GPHN: variants seen among roughly 807,000 people sequenced by gnomAD.
The protein encoded by GPHN is gephyrin.
In GPHN, 17 loss-of-function variants were observed where a neutral mutation model predicts 95.5. The observed-to-expected ratio is 0.18, with a 90% CI of 0.12 to 0.27. GPHN has a LOEUF of 0.27. Ranked by LOEUF, GPHN falls within the 10% of genes least tolerant of loss-of-function variation. The pLI, the probability that GPHN is intolerant of heterozygous loss-of-function variation, is 1.00. For missense variants in GPHN, 660 were observed against 978.1 expected (o/e 0.67, Z 4.34); for synonymous variants, 320 against 322.5 (o/e 0.99, Z 0.08).
chr14:66,689,545 C>A (rs1356721759), intron 2 of GPHN, among the ~76,000 whole-genome samples: 1 of 152,142 alleles, frequency 6.6e-6, no homozygotes, highest in Non-Finnish European at 1.5e-5. Context: ...GTTTTAGTAT[C>A]AGGGTAATGC....
chr14:66,544,973 C>T (rs1246600893), intron 1 of GPHN, among the ~76,000 whole-genome samples: 2 of 152,182 alleles, frequency 1.3e-5, no homozygotes, highest in Admixed American at 1.3e-4. Context: ...AATGAAAAGT[C>T]TCCTGTGTCT....
chr14:67,302,712 G>A, the GPHN span: 1 of 602,246 alleles, frequency 1.7e-6, no homozygotes, highest in Non-Finnish European at 2.5e-6. Context: ...CTGTTCCACA[G>A]TATTTGTTAG....
At chr14:67,312,466 TA>T in the GPHN span, 1 of 1,185,776 alleles carries the variant, frequency 8.4e-7, no homozygotes, top group Non-Finnish European at 1.1e-6. Context: ...ATTTAAATTG[TA>T]TTCATATGAA....
chr14:67,490,040 T>C, the GPHN span, among the ~76,000 whole-genome samples: 4 of 152,114 alleles, frequency 2.6e-5, no homozygotes, highest in South Asian at 6.2e-4. Flanking sequence ...CACCACGCTA[T>C]GAATTTCTTG....
chr14:67,732,986 G>A, the GPHN span, among the ~76,000 whole-genome samples: 1 of 152,058 alleles, frequency 6.6e-6, no homozygotes, highest in African/African-American at 2.4e-5. Flanking sequence ...TGGGGGGAGC[G>A]GGGAGGGATA....
At chr14:66,697,874 T>C (rs948965329) in intron 2 of GPHN, among the ~76,000 whole-genome samples, 43 of 151,868 alleles carry the variant, frequency 2.8e-4, no homozygotes, top group African/African-American at 1.0e-3. Flanking sequence ...TTATTATTTA[T>C]TGTAGAGAGA....
chr14:67,198,239 G>A, the GPHN span: 7 of 1,613,848 alleles, frequency 4.3e-6, no homozygotes, highest in East Asian at 2.2e-5. Context: ...CCCATGATCC[G>A]AGAGATCTTC....
At chr14:67,152,240 T>C (rs1356238024) in intron 18 of GPHN, among the ~76,000 whole-genome samples, 2 of 152,206 alleles carry the variant, frequency 1.3e-5, no homozygotes, top group East Asian at 3.8e-4. Flanking sequence ...TACAATGATA[T>C]ACTTCTGTTT....
chr14:66,524,540 C>T (rs2058610950), intron 1 of GPHN, among the ~76,000 whole-genome samples: 1 of 151,968 alleles, frequency 6.6e-6, no homozygotes, highest in Admixed American at 6.6e-5. Context: ...GGTACCTGTG[C>T]AGAACATGCA....
intron 9 of GPHN, among the ~76,000 whole-genome samples, chr14:67,000,842 C>T (rs1203389648): frequency 6.6e-6 from 1 of 151,480 alleles, no homozygotes; most frequent in African/African-American, 2.4e-5. Context: ...TTGATATATC[C>T]ATCTAATTAA....
intron 11 of GPHN, among the ~76,000 whole-genome samples, chr14:67,076,480 G>A (rs1176043266): frequency 1.3e-5 from 2 of 152,070 alleles, no homozygotes; most frequent in Admixed American, 6.6e-5. Flanking sequence ...ATGATGTAGA[G>A]ACTCAAATCT....
chr14:67,383,461 A>C, the GPHN span: 4 of 1,611,410 alleles, frequency 2.5e-6, no homozygotes, highest in Middle Eastern at 1.7e-4. Context: ...AACAGAGTCC[A>C]ATTTAAGGAA....
the GPHN span, among the ~76,000 whole-genome samples, chr14:67,342,205 TAAATAAA>T: frequency 2.3e-4 from 32 of 140,722 alleles, no homozygotes; most frequent in Admixed American, 1.4e-4. Flanking sequence ...AATAAATAAA[TAAATAAA>T]TAAAATAAAA....
the GPHN span, chr14:67,690,359 C>T: frequency 2.5e-6 from 4 of 1,614,090 alleles, no homozygotes; most frequent in Non-Finnish European, 3.4e-6. Context: ...GACACATTTA[C>T]TATCCTTGAT....
chr14:67,311,189 T>C, the GPHN span, among the ~76,000 whole-genome samples: 12 of 151,402 alleles, frequency 7.9e-5, no homozygotes, highest in Non-Finnish European at 1.8e-4. Context: ...TGAGTGCCTG[T>C]AATCCCAGCT....
intron 2 of GPHN, among the ~76,000 whole-genome samples, chr14:66,775,902 T>C (rs2059364064): frequency 6.6e-6 from 1 of 152,114 alleles, no homozygotes; most frequent in Non-Finnish European, 1.5e-5. Context: ...GGCACACACG[T>C]CTCTCTGACT....
At chr14:66,597,157 C>A (rs1450006204) in intron 1 of GPHN, among the ~76,000 whole-genome samples, 1 of 152,118 alleles carries the variant, frequency 6.6e-6, no homozygotes, top group Non-Finnish European at 1.5e-5. Flanking sequence ...ATTTGCATGA[C>A]CATTTGGAGT....
At chr14:67,146,082 G>A (rs994430775) in intron 18 of GPHN, among the ~76,000 whole-genome samples, 2 of 152,192 alleles carry the variant, frequency 1.3e-5, no homozygotes, top group Non-Finnish European at 2.9e-5. Context: ...TTTGGGCCAT[G>A]CTAGGAGCAC....
the GPHN span, among the ~76,000 whole-genome samples, chr14:67,632,945 T>G: frequency 2.0e-5 from 3 of 148,936 alleles, no homozygotes; most frequent in Non-Finnish European, 4.4e-5. Context: ...CTCAGCCTCC[T>G]GAGTAGCTGG....
Sources: gnomAD v4.1 joint callset for allele counts (sites outside exome capture counted in the v4.1 genomes callset) on GRCh38, gnomAD v4.1.1 for gene constraint, MANE v1.5 for transcripts, NCBI Gene and HGNC (gene_info 2026-07-23, HGNC 2026-07-21) for gene names.